USP6NL: variants seen among roughly 807,000 people sequenced by gnomAD.
The protein encoded by USP6NL is USP6 N-terminal like.
In USP6NL, 26 loss-of-function variants were observed where a neutral mutation model predicts 61.9. The observed-to-expected ratio is 0.42, with a 90% CI of 0.31 to 0.58. The LOEUF is 0.58. Among genes scored for constraint, USP6NL ranks in the 20% least tolerant of loss-of-function variants. The pLI, the probability that USP6NL is intolerant of heterozygous loss-of-function variation, is 0.16. For missense variants in USP6NL, 1,114 were observed against 1,034.3 expected, an observed-to-expected ratio of 1.08 and a Z score of -1.06; for synonymous variants, 432 against 390.1, an observed-to-expected ratio of 1.11 and a Z score of -1.27.
chr10:11,533,157 G>A (rs933972662), intron 2 of USP6NL, among the ~76,000 whole-genome samples: 3 of 152,186 alleles, frequency 2.0e-5, no homozygotes, highest in African/African-American at 4.8e-5. Context: ...CTCAGAAGTT[G>A]AGAGGGGGAA....
Position 11,485,925 on chromosome 10 carries a change from A to C in USP6NL, c.665-14T>G. On this transcript the variant is annotated splice_polypyrimidine_tract_variant and intron_variant, in intron 10 of 14. Coordinates refer to ENST00000609104, the MANE Select transcript of USP6NL (RefSeq NM_014688.5). This position sits in a 1 kb window ranked among gnomAD's most constrained non-coding sequence, Gnocchi z 4.8. ...GGACAAAAAAGCCTAGAATACAAACATAAAAACAACATTTCATAAACAATA... is the reference window on the plus strand; with the variant it reads ...GGACAAAAAAGCCTAGAATACAAACCTAAAAACAACATTTCATAAACAATA... 5 of 1,512,342 alleles carry C rather than the reference A, an allele frequency of 3.3e-6. No homozygotes were observed. The highest frequency in any genetic ancestry group is 4.5e-6 in the Non-Finnish European group (5 of 1,121,918). 93.7% of individuals were successfully genotyped at this position (1,512,342 alleles called of 1,614,324 possible).
At chr10:11,507,159 C>T (rs1427765278) in intron 6 of USP6NL, among the ~76,000 whole-genome samples, 1 of 152,152 alleles carries the variant, frequency 6.6e-6, no homozygotes, top group African/African-American at 2.4e-5. Context: ...TTTAGAGAGG[C>T]TTACGTACTT....
rs1836368787 is a variant in USP6NL, at chr10:11,548,642, G to A, written c.5-21075C>T. 6.6e-6 allele frequency among the ~76,000 whole-genome samples: 1 copy of A among 152,012 alleles called. No homozygotes were observed. Among genetic ancestry groups the A allele is most frequent in the South Asian group, 2.1e-4 (1 of 4,822 alleles). ...TAGCCACTGAAAAACTGCTGAATAAGCTAAGATCCTAGGACCCACTGGCAA... is the reference window on the plus strand; with the variant it reads ...TAGCCACTGAAAAACTGCTGAATAAACTAAGATCCTAGGACCCACTGGCAA... On this transcript the variant is annotated intron_variant, in intron 2 of 14. Coordinates refer to ENST00000609104, the MANE Select transcript of USP6NL (RefSeq NM_014688.5). This position sits in a 1 kb window ranked among gnomAD's most constrained non-coding sequence, Gnocchi z 4.3.
At chr10:11,475,596 CA>C (rs35589300) in intron 14 of USP6NL, among the ~76,000 whole-genome samples, 4,425 of 38,784 alleles carry the variant, frequency 0.11, 56 homozygotes, top group East Asian at 0.22. Flanking sequence ...AACTCTGTCG[CA>C]AAAAAAAAAA....
At chr10:11,576,847 C>T (rs1588404518) in intron 2 of USP6NL, among the ~76,000 whole-genome samples, 1 of 152,040 alleles carries the variant, frequency 6.6e-6, no homozygotes, top group South Asian at 2.1e-4. Context: ...TTTATCTTTC[C>T]ACCCTTTCCA....
rs746276395 is a variant in USP6NL at position 11,525,873 on chromosome 10, C to G, written c.73-405G>C. 6.6e-6 allele frequency among the ~76,000 whole-genome samples: 1 copy of G among 152,200 alleles called. No individual in the cohort carries two copies. Among genetic ancestry groups the G allele is most frequent in the South Asian group, 2.1e-4 (1 of 4,822 alleles). On this transcript the variant is annotated intron_variant, in intron 3 of 14. Transcript: ENST00000609104. This position sits in a 1 kb window ranked among gnomAD's most constrained non-coding sequence, Gnocchi z 5.0. ...TTTCTTTTTTGCCTTTTTATGCAAA[C>G]TCCTTAGAGAAGCAGGCAGAGAAGC...
chr10:11,486,202 T>C (rs1047881906), intron 10 of USP6NL, among the ~76,000 whole-genome samples: 26 of 151,514 alleles, frequency 1.7e-4, no homozygotes, highest in African/African-American at 6.1e-4. Context: ...ATCAAGATTA[T>C]CTGTTCTTTT....
chr10:11,497,682 T>C (rs1426005430), intron 7 of USP6NL, among the ~76,000 whole-genome samples: 2 of 152,116 alleles, frequency 1.3e-5, no homozygotes, highest in Non-Finnish European at 2.9e-5. Context: ...CCCGGGTAAG[T>C]ATGTAAAAAA....
In USP6NL at chr10:11,468,145, C is replaced by T. The variant is rs1167749611; in HGVS notation, c.1079-4296G>A. 6.6e-6 allele frequency among the ~76,000 whole-genome samples: 1 copy of T among 152,100 alleles called. No individual in the cohort carries two copies. Among genetic ancestry groups the T allele is most frequent in the African/African-American group, 2.4e-5 (1 of 41,398 alleles). On this transcript the variant is annotated intron_variant, in intron 14 of 14. Transcript: ENST00000609104. The surrounding 1 kb of genome is among the most constrained non-coding windows in gnomAD (Gnocchi z 4.5). ...ATCAAAAATCCATTTTTAATTAATC[C>T]ATTTATTGATTCTTGCCTCAGACAG...
At chr10:11,533,206 T>C (rs745924178) in intron 2 of USP6NL, among the ~76,000 whole-genome samples, 6 of 152,232 alleles carry the variant, frequency 3.9e-5, no homozygotes, top group Non-Finnish European at 5.9e-5. Flanking sequence ...AGAATTAGAC[T>C]GGTGCCAAAG....
At chr10:11,566,118 G>A (rs961700798) in intron 2 of USP6NL, among the ~76,000 whole-genome samples, 1 of 152,190 alleles carries the variant, frequency 6.6e-6, no homozygotes, top group African/African-American at 2.4e-5. Flanking sequence ...GAGCTGGGAA[G>A]GGCAGGCTGG....
rs535534738 is a variant in USP6NL, at chr10:11,528,658, A to G, written c.5-1091T>C. ...CAATTTTAATTACTATTTTATAAAA[A>G]TGATGACTAAAGACATGAAAAAGGA... On this transcript the variant is annotated intron_variant, in intron 2 of 14. Transcript: ENST00000609104. The surrounding 1 kb of genome is among the most constrained non-coding windows in gnomAD (Gnocchi z 4.6). Among the ~76,000 whole-genome samples the G allele has an allele frequency of 6.6e-6, 1 of 152,388 alleles. No homozygotes were observed. Among genetic ancestry groups the G allele is most frequent in the East Asian group, 1.9e-4 (1 of 5,196 alleles).
In USP6NL at chr10:11,499,630, T is replaced by C. The variant is rs1834088232; in HGVS notation, c.384+1471A>G. ...AGACACACATTCACAGGAGGGAGGA[T>C]AGCCAGGTGATAAGGAAGACAGGGA... On this transcript the variant is annotated intron_variant, in intron 7 of 14. Transcript: ENST00000609104. The surrounding 1 kb of genome is among the most constrained non-coding windows in gnomAD (Gnocchi z 4.5). 1.3e-5 allele frequency among the ~76,000 whole-genome samples: 2 copies of C among 152,084 alleles called. No individual in the cohort carries two copies. The highest frequency in any genetic ancestry group is 2.4e-5 in the African/African-American group (1 of 41,420).
At chr10:11,566,705 CTTAATT>C (rs1837173510) in intron 2 of USP6NL, among the ~76,000 whole-genome samples, 1 of 152,208 alleles carries the variant, frequency 6.6e-6, no homozygotes, top group South Asian at 2.1e-4. Context: ...TTTTATTTTA[CTTAATT>C]TTAATTATTC....
In USP6NL at chr10:11,499,051, A is replaced by G. The variant is rs12573149; in HGVS notation, c.384+2050T>C. 0.11 allele frequency among the ~76,000 whole-genome samples: 16,474 copies of G among 152,204 alleles called. 1,385 individuals carry two copies. The highest frequency in any genetic ancestry group is 0.43 in the East Asian group (2,206 of 5,170). ...ACAAACAGGCCACCAGGGGAACTTG[A>G]AGGACTGAATGCTGATAATATGCTG... is the stretch of plus-strand genomic sequence containing the variant. On this transcript the variant is annotated intron_variant, in intron 7 of 14. Coordinates refer to ENST00000609104, the MANE Select transcript of USP6NL (RefSeq NM_014688.5). This position sits in a 1 kb window ranked among gnomAD's most constrained non-coding sequence, Gnocchi z 4.5.
intron 6 of USP6NL, among the ~76,000 whole-genome samples, chr10:11,504,191 C>CAGACT (rs1182834232): frequency 1.3e-5 from 2 of 152,132 alleles, no homozygotes; most frequent in East Asian, 3.8e-4. Context: ...AATACTTGTA[C>CAGACT]TGTTACATGA....
At position 11,602,042 on chromosome 10, in the gene USP6NL, A is replaced by AAT. The variant is rs1464688900; in HGVS notation, c.-83-4327_-83-4326dup. 6.6e-6 allele frequency among the ~76,000 whole-genome samples: 1 copy of AAT among 152,220 alleles called. No individual in the cohort carries two copies. The highest frequency in any genetic ancestry group is 1.5e-5 in the Non-Finnish European group (1 of 68,038). ...TCATTGATGTATTATTTGTAATAGC[A>AAT]ATATATATACATACATATACATACA... On this transcript the variant is annotated intron_variant, in intron 1 of 14. Coordinates refer to ENST00000609104, the MANE Select transcript of USP6NL (RefSeq NM_014688.5). The surrounding 1 kb of genome is among the most constrained non-coding windows in gnomAD (Gnocchi z 4.8).
intron 14 of USP6NL, among the ~76,000 whole-genome samples, chr10:11,475,037 A>T (rs1343235627): frequency 1.3e-5 from 2 of 152,210 alleles, no homozygotes. Flanking sequence ...TAGGTCATAA[A>T]CTATAAATCT....
In USP6NL at chr10:11,594,953, C is replaced by G. The variant is rs369614443; in HGVS notation, c.4+2678G>C. On this transcript the variant is annotated intron_variant, in intron 2 of 14. Transcript: ENST00000609104. ...TTGATGGGTCCCAGAAGGAGGCAGG[C>G]AGAGTGCTATGGAGAAGCAGCGCAC... Among the ~76,000 whole-genome samples the G allele has an allele frequency of 9.2e-5, 14 of 152,290 alleles. 1 individual carries two copies. The highest frequency in any genetic ancestry group is 3.4e-4 in the African/African-American group (14 of 41,562).
Sources: allele counts gnomAD v4.1 joint callset (sites outside exome capture counted in the v4.1 genomes callset), GRCh38; gene constraint gnomAD v4.1.1; non-coding constraint Gnocchi (gnomAD v3.1); transcripts MANE v1.5; gene names NCBI Gene and HGNC (gene_info 2026-07-23, HGNC 2026-07-21).